The following HR variants were observed in gnomAD, a reference collection of about 807,000 sequenced individuals.
HR encodes lysine-specific demethylase hairless.
A neutral mutation model predicts 128.6 loss-of-function variants in HR; 83 were observed. The observed-to-expected ratio is 0.65, with a 90% confidence interval of 0.54 to 0.77. The LOEUF (loss-of-function observed/expected upper bound fraction) is 0.77. Ranked by LOEUF, HR falls within the 30% of genes least tolerant of loss-of-function variation. The pLI, the probability that HR is intolerant of heterozygous loss-of-function variation, is 0.00. For synonymous variants in HR, 681 were observed against 658.2 expected (o/e 1.03, Z -0.53); for missense variants, 1,490 against 1,574.6 (o/e 0.95, Z 0.91).
rs181310087 is a variant in HR at position 22,115,397 on chromosome 8, C to T, written c.*303G>A. Reference sequence around the variant, plus strand: ...TCCCCAAGGAAGGGCTGTTTGTCTCCTGGGTCTCGGAGGAGTGGGGATTGG... The same window carrying T: ...TCCCCAAGGAAGGGCTGTTTGTCTCTTGGGTCTCGGAGGAGTGGGGATTGG... On this transcript the variant is annotated 3_prime_UTR_variant, in exon 19 of 19. Coordinates refer to ENST00000381418, the MANE Select transcript of HR (RefSeq NM_005144.5). The T allele has an allele frequency of 2.1e-4, 112 of 534,282 alleles. No homozygotes were observed. Among genetic ancestry groups the T allele is most frequent in the Admixed American group, 7.9e-4 (25 of 31,684 alleles). The allele number at this position is 534,282 out of a possible 1,614,324, so 33.1% of individuals were successfully genotyped here.
chr8:22,123,856 A>G (rs1317541324), intron 5 of HR, 43 bp from the exon 6 acceptor site: 3 of 1,568,306 alleles, frequency 1.9e-6, no homozygotes, highest in Non-Finnish European at 2.6e-6. Flanking sequence ...TGAAGGCAAC[A>G]GGCCCCAATG....
At position 22,127,439 on chromosome 8, in the gene HR, C is replaced by A. The variant is rs747750179; in HGVS notation, c.1003G>T (p.Gly335Cys). ...TTCCCACAAGGGCCAAGACCCCCAC[C>A]TTTAGTGGGTGGGTAGGATGAACAG... The part of the protein sequence containing the change: ...GCCSSYPPTK[G>C]GGLGPCGKCQ... The change falls in exon 3 of 19, where the codon GGT becomes TGT. Residue 335 changes from glycine (G) to cysteine (C), a missense_variant. Gly to Cys is a radical substitution (Grantham distance 159). This residue lies in a region of HR where 1,060 missense variants were observed against 1,060.9 expected (regional missense o/e 1.00). Coordinates refer to ENST00000381418, the MANE Select transcript of HR (RefSeq NM_005144.5). The A allele has an allele frequency of 4.3e-6, 7 of 1,611,896 alleles. No individual in the cohort carries two copies. The highest frequency in any genetic ancestry group is 5.9e-6 in the Non-Finnish European group (7 of 1,178,906).
At chr8:22,123,616 A>AAAC in intron 6 of HR, 33 bp downstream of exon 6, 2 of 562,346 alleles carry the variant, frequency 3.6e-6, no homozygotes, top group Non-Finnish European at 6.0e-6. Flanking sequence ...TGAGGGCTCC[A>AAAC]TCCCGCCCTC....
chr8:22,116,966 C>G lies in HR; in HGVS notation c.3287G>C (p.Arg1096Pro). ...GSCYLDAGLR[R>P]RLREEWGVSC... is the part of the protein sequence containing the mutation. ...CACGCCCCACTCCTCCCGCAGGCGC[C>G]GCCGCAGCCCTGCATCCAGGTAGCA... The change falls in exon 17 of 19, where the codon CGG (arginine) becomes CCG (proline). Residue 1096 changes from arginine (R) to proline (P), a missense_variant. Physicochemically the swap from Arg to Pro is moderately radical, Grantham distance 103. Around this residue, in one of 3 missense-constraint regions of HR, gnomAD observed 423 missense variants for 495.9 expected, o/e 0.85. Transcript: ENST00000381418. This position sits in a 1 kb window ranked among gnomAD's most constrained non-coding sequence, Gnocchi z 4.2. 1 of 1,536,980 alleles carries G rather than the reference C, an allele frequency of 6.5e-7. No individual in the cohort carries two copies. Among genetic ancestry groups the G allele is most frequent in the Non-Finnish European group, 8.7e-7 (1 of 1,146,424 alleles).
chr8:22,125,348 C>A lies in HR; in HGVS notation c.1713G>T (p.Arg571=). 6.2e-7 allele frequency: 1 copy of A among 1,600,518 alleles called. No homozygotes were observed. Among genetic ancestry groups the A allele is most frequent in the East Asian group, 2.3e-5 (1 of 44,316 alleles). ...CCCAAGCCAGGGCCTCCCGCTCCCT[C>A]CGCAGCAGGCGGCACAGTCGGTCCC... ...GLGDRLCRLL[R]REREALAWAQ... The change falls in exon 5 of 19, where the codon CGG becomes CGT. Residue 571 remains arginine, a synonymous_variant. Coordinates refer to ENST00000381418, the MANE Select transcript of HR (RefSeq NM_005144.5).
chr8:22,128,700 G>A lies in HR; in HGVS notation c.471C>T (p.Phe157=), dbSNP rs1333144557. The A allele has an allele frequency of 6.3e-7, 1 of 1,583,954 alleles. No individual in the cohort carries two copies. The highest frequency in any genetic ancestry group is 1.1e-5 in the South Asian group (1 of 87,564). Residue 157 remains phenylalanine, a synonymous_variant, in exon 2 of 19, where the codon TTC becomes TTT. Transcript: ENST00000381418. The part of the protein sequence containing the change: ...LETKILERAP[F]WVPTCLPPYL... ...AGGGTGGCAAGCAGGTGGGCACCCA[G>A]AAGGGAGCTCGCTCCAGGATCTTGG...
chr8:22,116,234 G>A lies in HR; in HGVS notation c.3507+66C>T. ...GGTGGGATCTGCTATGTCCACTGCAGCTGTGGCACAGGGAGGTGGGAGGCT... is the reference window on the plus strand; with the variant it reads ...GGTGGGATCTGCTATGTCCACTGCAACTGTGGCACAGGGAGGTGGGAGGCT... On this transcript the variant is annotated intron_variant, in intron 18 of 18. Transcript: ENST00000381418. The surrounding 1 kb of genome is among the most constrained non-coding windows in gnomAD (Gnocchi z 4.2). 1 of 1,608,380 alleles carries A rather than the reference G, an allele frequency of 6.2e-7. No homozygotes were observed. Among genetic ancestry groups the A allele is most frequent in the Non-Finnish European group, 8.5e-7 (1 of 1,177,474 alleles).
At chr8:22,122,750 ACCCAACCTCTGCACGC>A in intron 7 of HR, 24 bp downstream of exon 7, 1 of 1,536,204 alleles carries the variant, frequency 6.5e-7, no homozygotes, top group East Asian at 2.4e-5. Flanking sequence ...CTCCCTCAGG[ACCCAACCTCTGCACGC>A]CCCACCCCTC....
At chr8:22,128,032 G>C (rs966376397) in intron 2 of HR, 19 of 648,078 alleles carry the variant, frequency 2.9e-5, no homozygotes, top group Non-Finnish European at 1.7e-5. Context: ...TTTCTCAGAC[G>C]TCCCCACAAG....
At chr8:22,125,212 CCTTAGGTCTAGGAG>C (rs1474321694) in intron 5 of HR, 85 bp downstream of exon 5, 237 of 1,269,808 alleles carry the variant, frequency 1.9e-4, no homozygotes, top group Non-Finnish European at 3.2e-5. Context: ...TCTGAGGTTG[CCTTAGGTCTAGGAG>C]CTGGCAGTGT....
rs914558440 is a variant in HR at position 22,129,142 on chromosome 8, C to T, written c.29G>A (p.Gly10Asp). The T allele has an allele frequency of 2.6e-6, 4 of 1,550,276 alleles. No homozygotes were observed. The highest frequency in any genetic ancestry group is 3.5e-6 in the Non-Finnish European group (4 of 1,152,402). MESTPSFLK[G>D]TPTWEKTAPE... ...GGCCGTCTTCTCCCAGGTTGGGGTG[C>T]CCTTCAGGAAGCTGGGCGTACTCTC... The change falls in exon 2 of 19, where the codon GGC becomes GAC. Residue 10 changes from glycine to aspartate, a missense_variant. Physicochemically the swap from Gly to Asp is moderately conservative, Grantham distance 94 (BLOSUM62 -1). This residue lies in a region of HR where 1,060 missense variants were observed against 1,060.9 expected (regional missense o/e 1.00). Transcript: ENST00000381418.
At chr8:22,126,203 C>G (rs1826885953) in intron 3 of HR, among the ~76,000 whole-genome samples, 2 of 152,246 alleles carry the variant, frequency 1.3e-5, no homozygotes, top group African/African-American at 4.8e-5. Flanking sequence ...AAGGGGCCAA[C>G]AAATTCCCAG....
Position 22,128,831 on chromosome 8 carries a change from C to T in HR, c.340G>A (p.Ala114Thr). ...AGGGGGCCACAGCGAGGTGGGCACGCTGGCCCGCAGAATGCCAGCGGATGG... is the reference window on the plus strand; with the variant it reads ...AGGGGGCCACAGCGAGGTGGGCACGTTGGCCCGCAGAATGCCAGCGGATGG... ...LTHPLAFCGP[A>T]CPPRCGPLMP... Residue 114 changes from alanine (A) to threonine (T), a missense_variant, in exon 2 of 19, where the codon GCG becomes ACG. By Grantham distance (58) the Ala-to-Thr change is moderately conservative (BLOSUM62 0). Coordinates refer to ENST00000381418, the MANE Select transcript of HR (RefSeq NM_005144.5). 1 of 1,613,352 alleles carries T rather than the reference C, an allele frequency of 6.2e-7. No individual in the cohort carries two copies. The highest frequency in any genetic ancestry group is 1.1e-5 in the South Asian group (1 of 91,074).
intron 12 of HR, 45 bp from the exon 13 acceptor site, chr8:22,120,218 G>A: frequency 6.3e-7 from 1 of 1,595,434 alleles, no homozygotes; most frequent in Non-Finnish European, 8.5e-7. Context: ...CAGCCCTGAA[G>A]CCCCTGCCCC....
chr8:22,121,593 G>A lies in HR; in HGVS notation c.2203+20C>T. ...CAGCCTCCCTCTTGCACAGGCCGAG[G>A]GGCAAGAGGAGCCGCTCACCCTCTT... On this transcript the variant is annotated intron_variant, in intron 9 of 18. Coordinates refer to ENST00000381418, the MANE Select transcript of HR (RefSeq NM_005144.5). 1 of 1,612,978 alleles carries A rather than the reference G, an allele frequency of 6.2e-7. No individual in the cohort carries two copies. Among genetic ancestry groups the A allele is most frequent in the South Asian group, 1.1e-5 (1 of 91,046 alleles).
intron 13 of HR, 30 bp from the exon 14 acceptor site, chr8:22,119,920 G>A: frequency 6.2e-7 from 1 of 1,612,550 alleles, no homozygotes. Context: ...TGCCCAGCAG[G>A]CCCAACCTGG....
At chr8:22,131,048 G>C (rs1360611300), upstream of HR, 1 of 152,306 alleles carries the variant, frequency 6.6e-6, no homozygotes, top group Non-Finnish European at 1.5e-5. Flanking sequence ...TCCTCCTCCA[G>C]CACCCTGCGG....
Position 22,117,023 on chromosome 8 carries a change from GC to G in HR, c.3229del (p.Ala1077GlnfsTer28). ...TGGGGCGCCAGGCTCCAGGGCGCCT[GC>G]CCCGGCCGGGCACACCTCAAAGAAG... ...RFLQMVCPAG[A>X]GALEPGAPGS... On this transcript the variant is annotated frameshift_variant, in exon 17 of 19. Transcript: ENST00000381418. LOFTEE classifies it high-confidence loss of function. 6.6e-7 allele frequency: 1 copy of G among 1,509,648 alleles called. No homozygotes were observed. The highest frequency in any genetic ancestry group is 8.8e-7 in the Non-Finnish European group (1 of 1,134,796). The allele number at this position is 1,509,648 out of a possible 1,614,324, so 93.5% of individuals were successfully genotyped here.
rs201564292 is a variant in HR at position 22,127,084 on chromosome 8, G to A, written c.1358C>T (p.Ser453Leu). The A allele has an allele frequency of 1.2e-5, 20 of 1,611,888 alleles. 1 individual carries two copies. Among genetic ancestry groups the A allele is most frequent in the South Asian group, 4.4e-5 (4 of 90,946 alleles). The change falls in exon 3 of 19, where the codon TCG becomes TTG. Residue 453 changes from serine to leucine, a missense_variant. Transcript: ENST00000381418. ...CGAGTCCACATCCTTGTTCCCTATC[G>A]ATGTGTCCCGCACCTCCTGCCAACC... ...AGGWQEVRDT[S>L]IGNKDVDSGQ...
Sources: allele counts gnomAD v4.1 joint callset (sites outside exome capture counted in the v4.1 genomes callset), GRCh38; gene constraint gnomAD v4.1.1; regional missense constraint gnomAD v4.1.1; non-coding constraint Gnocchi (gnomAD v3.1); transcripts MANE v1.5; gene names NCBI Gene and HGNC (gene_info 2026-07-23, HGNC 2026-07-21).